The following CUL1 variants were observed in gnomAD, a reference collection of about 807,000 sequenced individuals.
The protein encoded by CUL1 is cullin 1.
In CUL1, 24 loss-of-function variants were observed where a neutral mutation model predicts 118.0. That is an observed-to-expected ratio of 0.20 (90% CI 0.15 to 0.29). CUL1 has a LOEUF of 0.29. Among genes scored for constraint, CUL1 ranks in the 10% least tolerant of loss-of-function variants. CUL1 has a pLI of 1.00. For missense variants in CUL1, 361 were observed against 933.8 expected (o/e 0.39, Z 7.99); for synonymous variants, 332 against 340.4 (o/e 0.98, Z 0.27).
intron 1 of CUL1, among the ~76,000 whole-genome samples, chr7:148,714,549 T>C (rs150533877): frequency 7.0e-4 from 107 of 152,306 alleles, no homozygotes; most frequent in African/African-American, 2.4e-3. Flanking sequence ...AGAATTAGAA[T>C]TGGCCTTATA....
At chr7:148,797,448 A>G (rs118066312) in intron 17 of CUL1, among the ~76,000 whole-genome samples, 7 of 151,772 alleles carry the variant, frequency 4.6e-5, no homozygotes, top group Non-Finnish European at 8.8e-5. Context: ...GGATTTTCCA[A>G]TCAGGGCTGC....
intron 9 of CUL1, among the ~76,000 whole-genome samples, chr7:148,775,789 T>C (rs1175382968): frequency 6.6e-6 from 1 of 152,104 alleles, no homozygotes; most frequent in Non-Finnish European, 1.5e-5. Flanking sequence ...CTTAAAACTT[T>C]TAAAGAATAC....
intron 9 of CUL1, among the ~76,000 whole-genome samples, chr7:148,777,545 A>G (rs1800442111): frequency 6.6e-6 from 1 of 152,224 alleles, no homozygotes; most frequent in African/African-American, 2.4e-5. Flanking sequence ...CTCTTCAAAC[A>G]AATGTTTTAC....
At chr7:148,772,332 T>G (rs894525979) in intron 9 of CUL1, among the ~76,000 whole-genome samples, 1 of 152,062 alleles carries the variant, frequency 6.6e-6, no homozygotes, top group Non-Finnish European at 1.5e-5. Context: ...GGAGAATCAC[T>G]TGAACCTGGA....
At chr7:148,750,995 AAAAAC>A (rs1395676942) in intron 2 of CUL1, among the ~76,000 whole-genome samples, 1 of 151,870 alleles carries the variant, frequency 6.6e-6, no homozygotes, top group Non-Finnish European at 1.5e-5. Context: ...AAAAAAAAAA[AAAAAC>A]AAAACAAAAC....
intron 2 of CUL1, among the ~76,000 whole-genome samples, chr7:148,737,582 ATT>A (rs1324272754): frequency 0.11 from 16,538 of 145,390 alleles, 3,090 homozygotes; most frequent in African/African-American, 0.38. Flanking sequence ...TTTTATATTT[ATT>A]TATTTATTTA....
chr7:148,794,370 A>G (rs1801114063), intron 17 of CUL1, among the ~76,000 whole-genome samples: 2 of 152,210 alleles, frequency 1.3e-5, no homozygotes, highest in South Asian at 4.1e-4. Context: ...GTCAAAAGTC[A>G]GTTGGCCATA....
intron 2 of CUL1, among the ~76,000 whole-genome samples, chr7:148,737,995 A>C (rs902219134): frequency 6.6e-6 from 1 of 152,200 alleles, no homozygotes; most frequent in Non-Finnish European, 1.5e-5. Context: ...CTTAAGTCGC[A>C]TTTGGGAAAC....
At chr7:148,774,385 G>A (rs1800329091) in intron 9 of CUL1, among the ~76,000 whole-genome samples, 1 of 152,174 alleles carries the variant, frequency 6.6e-6, no homozygotes, top group African/African-American at 2.4e-5. Context: ...TCAAGTCCTT[G>A]GGTAGTTTGA....
chr7:148,729,973 A>G lies in CUL1; in HGVS notation c.-150A>G. ...TATTTCTTCCTCAGGTTTGCCTGCA[A>G]TGAGATTTCATTCTCTACATTTAAA... On this transcript the variant is annotated 5_prime_UTR_variant, in exon 2 of 22. It removes an upstream start codon present in the reference 5' UTR. Transcript: ENST00000325222. 1.2e-6 allele frequency: 1 copy of G among 867,600 alleles called. No individual in the cohort carries two copies. The highest frequency in any genetic ancestry group is 2.5e-5 in the Admixed American group (1 of 39,256). 53.7% of individuals were successfully genotyped at this position (867,600 alleles called of 1,614,324 possible). A position where few individuals can be genotyped will look rare whatever the true frequency, so the allele number is the denominator to read the frequency against.
At chr7:148,745,072 C>T (rs181071866) in intron 2 of CUL1, among the ~76,000 whole-genome samples, 42 of 151,992 alleles carry the variant, frequency 2.8e-4, no homozygotes, top group Non-Finnish European at 4.4e-5. Context: ...TTTTTTTCCT[C>T]TCAAGAGTTG....
chr7:148,716,885 G>A lies in CUL1; in HGVS notation c.-161-13077G>A, dbSNP rs187067338. Among the ~76,000 whole-genome samples, 405 of 152,218 alleles carry A rather than the reference G, an allele frequency of 2.7e-3. 1 individual carries two copies. The highest frequency in any genetic ancestry group is 9.4e-3 in the African/African-American group (391 of 41,512). ...ACAAAACTTGAATTTACCACTTCTC[G>A]TGGCTTTGGCTGCACATTTTGGGAA... On this transcript the variant is annotated intron_variant, in intron 1 of 21. Coordinates refer to ENST00000325222, the MANE Select transcript of CUL1 (RefSeq NM_003592.3).
chr7:148,725,219 G>GCGCACACACACACACACACACA lies in CUL1; in HGVS notation c.-161-4742_-161-4741insGCACACACACACACACACACAC. 2.4e-3 allele frequency among the ~76,000 whole-genome samples: 331 copies of GCGCACACACACACACACACACA among 140,130 alleles called. 1 individual carries two copies. Among genetic ancestry groups the GCGCACACACACACACACACACA allele is most frequent in the Admixed American group, 5.7e-3 (81 of 14,186 alleles). 91.9% of individuals were successfully genotyped at this position (140,130 alleles called of 152,430 possible). On this transcript the variant is annotated intron_variant, in intron 1 of 21. Coordinates refer to ENST00000325222, the MANE Select transcript of CUL1 (RefSeq NM_003592.3). ...CGTGTACACACACACACACGCGCGC[G>GCGCACACACACACACACACACA]CTCACACACACACACACACACACAC... is the stretch of plus-strand genomic sequence containing the variant.
At chr7:148,755,588 C>T (rs948030442) in intron 3 of CUL1, among the ~76,000 whole-genome samples, 1 of 152,142 alleles carries the variant, frequency 6.6e-6, no homozygotes, top group Non-Finnish European at 1.5e-5. Context: ...ATTCACAACA[C>T]ATCATAAAGT....
chr7:148,760,615 A>C (rs1799797435), intron 7 of CUL1, 119 bp downstream of exon 7: 2 of 741,024 alleles, frequency 2.7e-6, no homozygotes, highest in African/African-American at 1.8e-5. Context: ...GTTTTTCTAG[A>C]GTGTTTTTAT....
chr7:148,774,752 CA>C (rs1800342501), intron 9 of CUL1, among the ~76,000 whole-genome samples: 3 of 152,194 alleles, frequency 2.0e-5, no homozygotes, highest in African/African-American at 7.2e-5. Flanking sequence ...GATACTTCAA[CA>C]CCCGGCAGGG....
At chr7:148,756,355 C>T (rs1183536071) in intron 3 of CUL1, among the ~76,000 whole-genome samples, 3 of 151,572 alleles carry the variant, frequency 2.0e-5, no homozygotes, top group Non-Finnish European at 2.9e-5. Context: ...GGAAGGGGTG[C>T]GGCGGAGTCT....
At chr7:148,708,134 C>A (rs560635126) in intron 1 of CUL1, among the ~76,000 whole-genome samples, 1 of 152,332 alleles carries the variant, frequency 6.6e-6, no homozygotes, top group South Asian at 2.1e-4. Context: ...ATCCTCTCTT[C>A]TAGTCTTTTT....
In CUL1 at chr7:148,716,136, T is replaced by TTC. The variant is rs577248676; in HGVS notation, c.-161-13824_-161-13823dup. ...GCAGGCCACATATGGCTCCAAGATG[T>TTC]TCTTCTAGATTTTACAGTACAACTT... On this transcript the variant is annotated intron_variant, in intron 1 of 21. Transcript: ENST00000325222. Among the ~76,000 whole-genome samples the TTC allele has an allele frequency of 5.1e-3, 776 of 152,314 alleles. 23 individuals are homozygous for TTC. Among genetic ancestry groups the TTC allele is most frequent in the Admixed American group, 0.046 (707 of 15,306 alleles).
Sources: gnomAD v4.1 joint callset for allele counts (sites outside exome capture counted in the v4.1 genomes callset) on GRCh38, gnomAD v4.1.1 for gene constraint, MANE v1.5 for transcripts, NCBI Gene and HGNC (gene_info 2026-07-23, HGNC 2026-07-21) for gene names.